SLC30A10: variants seen among roughly 807,000 people sequenced by gnomAD.
The protein encoded by SLC30A10 is calcium/manganese antiporter SLC30A10.
A neutral mutation model predicts 21.7 loss-of-function variants in SLC30A10; 8 were observed. That is an observed-to-expected ratio of 0.37 (90% CI 0.22 to 0.67). The LOEUF is 0.67. SLC30A10 is among the 30% of genes least tolerant of loss of function. The pLI, the probability that SLC30A10 is intolerant of heterozygous loss-of-function variation, is 0.58. For missense variants in SLC30A10, 521 were observed against 642.5 expected, an observed-to-expected ratio of 0.81 and a Z score of 2.04; for synonymous variants, 272 against 279.4, an observed-to-expected ratio of 0.97 and a Z score of 0.26.
rs1659434244 is a variant in SLC30A10 at position 219,912,401 on chromosome 1, AT to A, written c.*3047del. Among the ~76,000 whole-genome samples the A allele has an allele frequency of 6.6e-6, 1 of 152,168 alleles. No homozygotes were observed. The highest frequency in any genetic ancestry group is 1.5e-5 in the Non-Finnish European group (1 of 68,016). On this transcript the variant is annotated 3_prime_UTR_variant, in exon 4 of 4. Coordinates refer to ENST00000366926, the MANE Select transcript of SLC30A10 (RefSeq NM_018713.3). ...GAAAATGAAACAGACAGTATTTCCT[AT>A]GGCCAATGCTAAAATAATGTGGAAA...
intron 1 of SLC30A10, 139 bp downstream of exon 1, chr1:219,927,662 A>C (rs1218141927): frequency 3.8e-5 from 21 of 551,440 alleles, no homozygotes; most frequent in Admixed American, 1.5e-4. Flanking sequence ...AAAAAAAAAA[A>C]AAAAAACAAC....
intron 1 of SLC30A10, among the ~76,000 whole-genome samples, chr1:219,936,105 T>C (rs1481576587): frequency 6.6e-6 from 1 of 152,138 alleles, no homozygotes; most frequent in Non-Finnish European, 1.5e-5. Context: ...GTTTTGAATA[T>C]TGAAATGAAG....
At chr1:219,921,947 G>A (rs1659692840) in intron 2 of SLC30A10, among the ~76,000 whole-genome samples, 1 of 129,152 alleles carries the variant, frequency 7.7e-6, no homozygotes, top group East Asian at 2.4e-4. Context: ...GAGAGAGACC[G>A]AGAGAGAGAG....
rs553537278 is a variant in SLC30A10, at chr1:219,920,590, C to T, written c.719-2096G>A. 5.9e-5 allele frequency among the ~76,000 whole-genome samples: 9 copies of T among 152,254 alleles called. No individual in the cohort carries two copies. The East Asian group carries it at 1.7e-3, about 29-fold the overall frequency. On this transcript the variant is annotated intron_variant, in intron 2 of 3. Transcript: ENST00000366926. The stretch of plus-strand genomic sequence containing the variant: ...TGATTGTCATAACTCCTATGACATA[C>T]AGTAACTCTTGTCTTTAATAATAAT...
chr1:219,915,285 A>G lies in SLC30A10; in HGVS notation c.*164T>C, dbSNP rs1007486129. 3.8e-6 allele frequency: 3 copies of G among 794,506 alleles called. No homozygotes were observed. The African/African-American group carries it at 5.2e-5, about 14-fold the overall frequency. 49.2% of individuals were successfully genotyped at this position (794,506 alleles called of 1,614,324 possible). The stretch of plus-strand genomic sequence containing the variant: ...AAAGGAGTTAGTTACATAAAAATTC[A>G]CAGACACGTTTAACTAAAATCCCAA... On this transcript the variant is annotated 3_prime_UTR_variant, in exon 4 of 4. Transcript: ENST00000366926.
Position 219,927,915 on chromosome 1 carries a change from G to C in SLC30A10, c.526C>G (p.Pro176Ala), listed in dbSNP as rs755653399. The C allele has an allele frequency of 1.3e-6, 2 of 1,537,696 alleles. No individual in the cohort carries two copies. The highest frequency in any genetic ancestry group is 8.8e-7 in the Non-Finnish European group (1 of 1,142,114). ...AFGGPQGAED[P>A]RRAADPTAPG... is the part of the protein sequence containing the mutation. ...GCTGTCGGGTCCGCCGCGCGCCGCG[G>C]GTCCTCCGCGCCCTGAGGCCCCCCG... Residue 176 changes from proline to alanine, a missense_variant, in exon 1 of 4, where the codon CCG becomes GCG. Physicochemically the swap from Pro to Ala is conservative, Grantham distance 27 (BLOSUM62 -1). Coordinates refer to ENST00000366926, the MANE Select transcript of SLC30A10 (RefSeq NM_018713.3).
chr1:219,931,384 T>C (rs959038000), upstream of SLC30A10, among the ~76,000 whole-genome samples: 9 of 152,106 alleles, frequency 5.9e-5, no homozygotes, highest in African/African-American at 2.2e-4. Context: ...TGTTGCCAGA[T>C]GGTGTCAATA....
At chr1:219,954,732 T>A (rs1269867980) in intron 1 of SLC30A10, among the ~76,000 whole-genome samples, 1 of 150,624 alleles carries the variant, frequency 6.6e-6, no homozygotes, top group Non-Finnish European at 1.5e-5. Flanking sequence ...GGCATTTTTT[T>A]AAGAAAAAAA....
At chr1:219,944,403 G>GCA (rs1201870121) in intron 1 of SLC30A10, among the ~76,000 whole-genome samples, 1 of 149,762 alleles carries the variant, frequency 6.7e-6, no homozygotes, top group Non-Finnish European at 1.5e-5. Flanking sequence ...AGCCGAGATC[G>GCA]CGCCACTGCA....
At position 219,921,872 on chromosome 1, in the gene SLC30A10, A is replaced by AGTGTGTGTGTGT. The variant is rs72517767; in HGVS notation, c.719-3390_719-3379dup. ...GGCAAAATTCTGTGGGGTGTCTCTG[A>AGTGTGTGTGTGT]GTGTGTGTGTGTGTGTGTGTGTGTG... On this transcript the variant is annotated intron_variant, in intron 2 of 3. Transcript: ENST00000366926. 1.1e-3 allele frequency among the ~76,000 whole-genome samples: 155 copies of AGTGTGTGTGTGT among 139,506 alleles called. 1 individual carries two copies. Among genetic ancestry groups the AGTGTGTGTGTGT allele is most frequent in the African/African-American group, 3.8e-3 (137 of 35,916 alleles). The allele number at this position is 139,506 out of a possible 152,430, so 91.5% of individuals were successfully genotyped here.
At chr1:219,955,813 T>C (rs746499715) in intron 1 of SLC30A10, among the ~76,000 whole-genome samples, 6 of 152,186 alleles carry the variant, frequency 3.9e-5, no homozygotes, top group Admixed American at 3.9e-4. Flanking sequence ...GGCACTGCCA[T>C]GTGCTATAAG....
At chr1:219,947,447 C>T (rs566605386) in intron 1 of SLC30A10, among the ~76,000 whole-genome samples, 9 of 152,188 alleles carry the variant, frequency 5.9e-5, no homozygotes, top group East Asian at 3.9e-4. Flanking sequence ...ATGGGAGGAT[C>T]GCTTGAGCCT....
upstream of SLC30A10, among the ~76,000 whole-genome samples, chr1:219,932,172 T>A (rs913628934): frequency 6.6e-6 from 1 of 151,932 alleles, no homozygotes; most frequent in African/African-American, 2.4e-5. Context: ...CAAGCAGTTC[T>A]CCAGACTCAG....
intron 1 of SLC30A10, among the ~76,000 whole-genome samples, chr1:219,933,708 A>G (rs1571806919): frequency 1.3e-5 from 2 of 152,240 alleles, no homozygotes; most frequent in South Asian, 2.1e-4. Context: ...AAGTTTAGAG[A>G]GACAGCAGAA....
chr1:219,922,604 C>T (rs1461760754), intron 2 of SLC30A10, among the ~76,000 whole-genome samples: 1 of 152,124 alleles, frequency 6.6e-6, no homozygotes, highest in Non-Finnish European at 1.5e-5. Flanking sequence ...AGCCAAAGAC[C>T]TTATGAGAGT....
At chr1:219,956,294 C>T (rs147385066) in intron 1 of SLC30A10, among the ~76,000 whole-genome samples, 1 of 152,232 alleles carries the variant, frequency 6.6e-6, no homozygotes, top group East Asian at 1.9e-4. Flanking sequence ...CCTCAGTCTC[C>T]TCAAGTCTAG....
Position 219,927,839 on chromosome 1 carries a change from T to G in SLC30A10, c.602A>C (p.Lys201Thr), listed in dbSNP as rs1342625181. 6.5e-7 allele frequency: 1 copy of G among 1,548,500 alleles called. No individual in the cohort carries two copies. The highest frequency in any genetic ancestry group is 8.7e-7 in the Non-Finnish European group (1 of 1,147,590). ...GAACACGGTCGCCCCCTTCTCCCGC[T>G]TCCTTTCCACCGAGGTCCCCCGGAG... ...VTLRGTSVER[K>T]REKGATVFAN... is the part of the protein sequence containing the mutation. Residue 201 changes from lysine (K) to threonine (T), a missense_variant, in exon 1 of 4, where the codon AAG becomes ACG. By Grantham distance (78) the Lys-to-Thr change is moderately conservative. Coordinates refer to ENST00000366926, the MANE Select transcript of SLC30A10 (RefSeq NM_018713.3).
intron 2 of SLC30A10, among the ~76,000 whole-genome samples, chr1:219,925,318 G>C (rs1416843042): frequency 6.6e-6 from 1 of 152,058 alleles, no homozygotes; most frequent in Non-Finnish European, 1.5e-5. Context: ...CAGATTGCCT[G>C]AGGTCAGGAG....
chr1:219,937,011 T>C (rs1029695997), intron 1 of SLC30A10, among the ~76,000 whole-genome samples: 3 of 152,230 alleles, frequency 2.0e-5, no homozygotes, highest in Admixed American at 6.5e-5. Context: ...CTGGATTTCA[T>C]CTAGTCTTTT....
Sources: gnomAD v4.1 joint callset for allele counts (sites outside exome capture counted in the v4.1 genomes callset) on GRCh38, gnomAD v4.1.1 for gene constraint, MANE v1.5 for transcripts, NCBI Gene and HGNC (gene_info 2026-07-23, HGNC 2026-07-21) for gene names.